The following BMERB1 variants were observed in gnomAD, a reference collection of about 807,000 sequenced individuals.
BMERB1 encodes the protein bMERB domain-containing protein 1.
A neutral mutation model predicts 23.6 loss-of-function variants in BMERB1; 12 were observed. The ratio of observed to expected loss-of-function variants is 0.51; its 90% CI spans 0.33 to 0.82. The LOEUF is 0.82. BMERB1 is among the 40% of genes least tolerant of loss of function. BMERB1 has a pLI of 0.03. For synonymous variants in BMERB1, 122 were observed against 96.6 expected, an observed-to-expected ratio of 1.26 and a Z score of -1.54; for missense variants, 247 against 255.4, an observed-to-expected ratio of 0.97 and a Z score of 0.22.
chr16:15,491,719 C>CG (rs979853520), intron 1 of BMERB1, among the ~76,000 whole-genome samples: 3 of 152,190 alleles, frequency 2.0e-5, no homozygotes, highest in African/African-American at 7.2e-5. Context: ...CGTGGATCCT[C>CG]TATCTGAAGC....
At chr16:15,525,706 G>GAAAA (rs772716993) in intron 2 of BMERB1, among the ~76,000 whole-genome samples, 1 of 116,780 alleles carries the variant, frequency 8.6e-6, no homozygotes, top group African/African-American at 2.9e-5. Flanking sequence ...TCCCATCTCA[G>GAAAA]AAAAAAAAAA....
intron 1 of BMERB1, among the ~76,000 whole-genome samples, chr16:15,489,442 C>T (rs1053875263): frequency 1.3e-5 from 2 of 152,098 alleles, no homozygotes; most frequent in East Asian, 3.9e-4. Flanking sequence ...AAATTCCCCT[C>T]GCAGGTTCCA....
intron 1 of BMERB1, among the ~76,000 whole-genome samples, chr16:15,497,884 T>A (rs1311047513): frequency 6.6e-6 from 1 of 152,072 alleles, no homozygotes; most frequent in Non-Finnish European, 1.5e-5. Context: ...TGCCCCCGGG[T>A]TCCTGTTCTT....
chr16:15,529,820 G>T (rs2051949574), intron 2 of BMERB1, among the ~76,000 whole-genome samples: 3 of 152,200 alleles, frequency 2.0e-5, no homozygotes, highest in African/African-American at 7.2e-5. Flanking sequence ...TTCATAGGAA[G>T]GAACAGAGTG....
chr16:15,546,260 C>T (rs1161639678), intron 2 of BMERB1, among the ~76,000 whole-genome samples: 1 of 152,164 alleles, frequency 6.6e-6, no homozygotes, highest in Non-Finnish European at 1.5e-5. Flanking sequence ...TGCACTCCAG[C>T]CTACATGACA....
intron 2 of BMERB1, among the ~76,000 whole-genome samples, chr16:15,529,840 C>G (rs1045571815): frequency 2.6e-5 from 4 of 152,158 alleles, no homozygotes; most frequent in African/African-American, 9.6e-5. Context: ...GATAATGCAG[C>G]TAAGTGCGTT....
intron 2 of BMERB1, among the ~76,000 whole-genome samples, chr16:15,558,559 G>A (rs1057453182): frequency 6.6e-6 from 1 of 152,000 alleles, no homozygotes; most frequent in Non-Finnish European, 1.5e-5. Context: ...TGATCTCAAC[G>A]GGTTCGAACT....
At chr16:15,522,516 C>G (rs755566733) in intron 2 of BMERB1, among the ~76,000 whole-genome samples, 13 of 152,116 alleles carry the variant, frequency 8.5e-5, no homozygotes, top group Non-Finnish European at 2.9e-5. Flanking sequence ...GGCTAGTTTT[C>G]TAGTGTTTTA....
chr16:15,533,734 G>A (rs768819665), intron 2 of BMERB1, among the ~76,000 whole-genome samples: 14 of 152,090 alleles, frequency 9.2e-5, no homozygotes, highest in Non-Finnish European at 1.6e-4. Context: ...AGGACAGAGC[G>A]TCTGCCTCAA....
chr16:15,459,117 A>G (rs1954242119), intron 1 of BMERB1, among the ~76,000 whole-genome samples: 1 of 152,124 alleles, frequency 6.6e-6, no homozygotes, highest in Non-Finnish European at 1.5e-5. Context: ...CAAGAAACAA[A>G]CAAACAAACA....
chr16:15,484,015 A>C (rs755402356), intron 1 of BMERB1, among the ~76,000 whole-genome samples: 1 of 152,226 alleles, frequency 6.6e-6, no homozygotes, highest in Non-Finnish European at 1.5e-5. Flanking sequence ...TCACTGTGGA[A>C]GGTGAAGGGG....
intron 2 of BMERB1, among the ~76,000 whole-genome samples, chr16:15,562,502 T>A (rs1328385132): frequency 6.6e-6 from 1 of 151,982 alleles, no homozygotes; most frequent in Non-Finnish European, 1.5e-5. Context: ...AATTTGATAA[T>A]TCTGTGGTTA....
chr16:15,440,402 T>C (rs962648799), intron 1 of BMERB1, among the ~76,000 whole-genome samples: 3 of 152,108 alleles, frequency 2.0e-5, no homozygotes, highest in African/African-American at 7.2e-5. Context: ...AGTTGTGTAC[T>C]GACTAACAAG....
chr16:15,540,203 G>C lies in BMERB1; in HGVS notation c.230+24775G>C, dbSNP rs151230460. On this transcript the variant is annotated intron_variant, in intron 2 of 5. Transcript: ENST00000300006. Reference sequence around the variant, plus strand: ...GAACAATATTAGGTTTGCATTTATGGTGATGTAAAAAAGAGAATCAACATA... The same window carrying C: ...GAACAATATTAGGTTTGCATTTATGCTGATGTAAAAAAGAGAATCAACATA... Among the ~76,000 whole-genome samples the C allele has an allele frequency of 4.4e-3, 671 of 152,058 alleles. 10 individuals carry two copies. The highest frequency in any genetic ancestry group is 0.017 in the Middle Eastern group (5 of 294).
intron 2 of BMERB1, among the ~76,000 whole-genome samples, chr16:15,551,828 GAGAC>G (rs1448512439): frequency 6.6e-6 from 1 of 152,204 alleles, no homozygotes; most frequent in Admixed American, 6.5e-5. Flanking sequence ...CGGCAGGAGA[GAGAC>G]AGCACAAGAG....
intron 1 of BMERB1, among the ~76,000 whole-genome samples, chr16:15,472,393 C>A (rs530588493): frequency 6.6e-6 from 1 of 152,284 alleles, no homozygotes; most frequent in South Asian, 2.1e-4. Context: ...CTTCTCCTTT[C>A]GGCTTTATGA....
chr16:15,480,023 A>ATATATATATATAATATATATATAT (rs567929504), intron 1 of BMERB1, among the ~76,000 whole-genome samples: 1 of 147,864 alleles, frequency 6.8e-6, no homozygotes, highest in African/African-American at 2.5e-5. Context: ...ATATATATAT[A>ATATATATATATAATATATATATAT]ATATATATTT....
At chr16:15,473,484 GGTTTCATTAT>G (rs1444693088) in intron 1 of BMERB1, among the ~76,000 whole-genome samples, 2 of 150,924 alleles carry the variant, frequency 1.3e-5, no homozygotes, top group Non-Finnish European at 3.0e-5. Flanking sequence ...GTAGCGATGG[GGTTTCATTAT>G]GTTGGCCAGG....
chr16:15,573,405 G>C (rs1439732567), intron 3 of BMERB1, among the ~76,000 whole-genome samples: 2 of 152,198 alleles, frequency 1.3e-5, no homozygotes, highest in Non-Finnish European at 2.9e-5. Flanking sequence ...TCCAGGATCA[G>C]AGTTTTTAAA....
Sources: allele counts gnomAD v4.1 joint callset (sites outside exome capture counted in the v4.1 genomes callset), GRCh38; gene constraint gnomAD v4.1.1; transcripts MANE v1.5; gene names NCBI Gene and HGNC (gene_info 2026-07-23, HGNC 2026-07-21).